AK9: variants seen among roughly 807,000 people sequenced by gnomAD.
AK9 encodes adenylate kinase 9.
A neutral mutation model predicts 239.6 loss-of-function variants in AK9; 191 were observed. The observed-to-expected ratio is 0.80, with a 90% CI of 0.71 to 0.90. AK9 has a LOEUF of 0.90. Among genes scored for constraint, AK9 ranks in the 40% least tolerant of loss-of-function variants. AK9 has a pLI of 0.00. For missense variants in AK9, 1,995 were observed against 2,214.7 expected (o/e 0.90, Z 1.99); for synonymous variants, 689 against 721.0 (o/e 0.96, Z 0.71).
At chr6:109,601,255 C>G (rs954113825) in intron 17 of AK9, among the ~76,000 whole-genome samples, 5 of 152,102 alleles carry the variant, frequency 3.3e-5, no homozygotes, top group Admixed American at 2.6e-4. Flanking sequence ...TAAATGTATC[C>G]CAGAGATTCT....
chr6:109,659,633 A>G (rs1346285859), intron 6 of AK9, among the ~76,000 whole-genome samples: 1 of 152,170 alleles, frequency 6.6e-6, no homozygotes, highest in Non-Finnish European at 1.5e-5. Flanking sequence ...TCCAAAATTA[A>G]TATAGGTGAA....
intron 12 of AK9, among the ~76,000 whole-genome samples, chr6:109,625,449 A>G (rs923098131): frequency 2.0e-5 from 3 of 152,196 alleles, no homozygotes; most frequent in African/African-American, 4.8e-5. Context: ...TCCCACCCTC[A>G]GGCCATGGAC....
chr6:109,597,480 G>C (rs1791196775), intron 17 of AK9, among the ~76,000 whole-genome samples: 1 of 152,008 alleles, frequency 6.6e-6, no homozygotes, highest in Non-Finnish European at 1.5e-5. Flanking sequence ...AGACCATCCT[G>C]GCTAACATGG....
At chr6:109,688,547 T>C (rs1368593723) in intron 1 of AK9, among the ~76,000 whole-genome samples, 2 of 152,162 alleles carry the variant, frequency 1.3e-5, no homozygotes, top group Non-Finnish European at 2.9e-5. Context: ...AGGCGCTAGC[T>C]TGGGATTGTG....
At chr6:109,554,346 G>A (rs1324847650) in intron 24 of AK9, among the ~76,000 whole-genome samples, 2 of 151,932 alleles carry the variant, frequency 1.3e-5, no homozygotes, top group Admixed American at 1.3e-4. Flanking sequence ...ATGGTTGGTA[G>A]GCTATTAATT....
At chr6:109,514,540 T>A in intron 31 of AK9, 103 bp from the exon 32 acceptor site, 1 of 983,358 alleles carries the variant, frequency 1.0e-6, no homozygotes, top group Non-Finnish European at 1.5e-6. Context: ...GAAAAAAAAA[T>A]TCCTTACAGA....
chr6:109,596,535 C>T (rs569871537), intron 17 of AK9, among the ~76,000 whole-genome samples: 4 of 152,300 alleles, frequency 2.6e-5, no homozygotes, highest in Admixed American at 2.6e-4. Flanking sequence ...GGAAAGGATG[C>T]TGCTGCACCA....
intron 17 of AK9, among the ~76,000 whole-genome samples, chr6:109,587,212 A>C (rs1460041033): frequency 1.3e-5 from 2 of 152,238 alleles, no homozygotes; most frequent in African/African-American, 4.8e-5. Flanking sequence ...GCTATGAAGA[A>C]GACCTATAAA....
At position 109,623,834 on chromosome 6, in the gene AK9, C is replaced by T. The variant is rs17610574; in HGVS notation, c.1255-4598G>A. 3.4e-3 allele frequency among the ~76,000 whole-genome samples: 498 copies of T among 147,502 alleles called. 7 individuals carry two copies. Among genetic ancestry groups the T allele is most frequent in the Non-Finnish European group, 3.7e-3 (247 of 67,236 alleles). On this transcript the variant is annotated intron_variant, in intron 12 of 40. Coordinates refer to ENST00000424296, the MANE Select transcript of AK9 (RefSeq NM_001145128.3). ...TTACCTGGATAAAACTTTTTCTTCC[C>T]CAAATGATGAACTAGTTAGGAATCT...
intron 36 of AK9, 135 bp from the exon 37 acceptor site, chr6:109,498,100 C>G (rs1455645820): frequency 1.3e-6 from 1 of 782,642 alleles, no homozygotes; most frequent in Non-Finnish European, 2.0e-6. Flanking sequence ...TGTAAATAAC[C>G]TCTCCTCTGA....
chr6:109,556,906 C>T (rs1785063706), intron 24 of AK9, among the ~76,000 whole-genome samples: 2 of 151,980 alleles, frequency 1.3e-5, no homozygotes, highest in Admixed American at 1.3e-4. Context: ...AGCAATTGCT[C>T]TAACCTTTTA....
intron 20 of AK9, among the ~76,000 whole-genome samples, chr6:109,576,485 G>A (rs185482886): frequency 6.0e-4 from 84 of 139,394 alleles, no homozygotes; most frequent in Non-Finnish European, 9.7e-4. Context: ...TCTCAGCTTG[G>A]TCATTGTTGT....
chr6:109,611,900 T>C, intron 16 of AK9, 110 bp downstream of exon 16: 2 of 771,844 alleles, frequency 2.6e-6, no homozygotes, highest in Non-Finnish European at 4.2e-6. Flanking sequence ...TAATCATGCT[T>C]TTATTTTTTT....
At chr6:109,671,013 G>C (rs908533966) in intron 5 of AK9, among the ~76,000 whole-genome samples, 9 of 151,976 alleles carry the variant, frequency 5.9e-5, no homozygotes, top group Non-Finnish European at 1.0e-4. Flanking sequence ...GTCTACATAT[G>C]TGGATATGGG....
At chr6:109,588,550 G>A (rs1789823687) in intron 17 of AK9, among the ~76,000 whole-genome samples, 1 of 152,118 alleles carries the variant, frequency 6.6e-6, no homozygotes. Flanking sequence ...TAGATTCTCT[G>A]TTTACTCTGT....
At chr6:109,655,664 G>A (rs1799591891) in intron 8 of AK9, among the ~76,000 whole-genome samples, 1 of 152,080 alleles carries the variant, frequency 6.6e-6, no homozygotes, top group African/African-American at 2.4e-5. Context: ...AGTATAACCT[G>A]GTGCTTGTTC....
At chr6:109,652,483 A>G (rs1799109787) in intron 8 of AK9, among the ~76,000 whole-genome samples, 1 of 152,140 alleles carries the variant, frequency 6.6e-6, no homozygotes, top group Non-Finnish European at 1.5e-5. Context: ...TTCACTTAAC[A>G]TTATAACTAA....
intron 24 of AK9, among the ~76,000 whole-genome samples, chr6:109,560,647 T>A (rs1360262136): frequency 1.3e-5 from 2 of 152,208 alleles, no homozygotes; most frequent in African/African-American, 4.8e-5. Flanking sequence ...TTTTTGTGTA[T>A]TTTTGGATTT....
intron 25 of AK9, among the ~76,000 whole-genome samples, chr6:109,548,502 G>A (rs1417020397): frequency 6.6e-6 from 1 of 152,056 alleles, no homozygotes; most frequent in African/African-American, 2.4e-5. Context: ...CAATTTGTTT[G>A]AAAAAAGGAC....
Sources: allele counts gnomAD v4.1 joint callset (sites outside exome capture counted in the v4.1 genomes callset), GRCh38; gene constraint gnomAD v4.1.1; transcripts MANE v1.5; gene names NCBI Gene and HGNC (gene_info 2026-07-23, HGNC 2026-07-21).